P2RY14: variants seen among roughly 807,000 people sequenced by gnomAD.
The protein encoded by P2RY14 is P2Y purinoceptor 14.
P2RY14 carries 2 observed loss-of-function variants against 0.9 expected under a neutral mutation model. The ratio of observed to expected loss-of-function variants is 2.16; its 90% CI spans 0.88 to 6.79. The LOEUF (loss-of-function observed/expected upper bound fraction) is 6.79. Ranked by LOEUF, P2RY14 falls within the 30% of genes most tolerant of loss-of-function variation. The pLI is 0.05. For synonymous variants in P2RY14, 158 were observed against 147.2 expected, an observed-to-expected ratio of 1.07 and a Z score of -0.53; for missense variants, 378 against 400.1, an observed-to-expected ratio of 0.94 and a Z score of 0.47.
At chr3:151,251,200 C>T (rs1396644728) in intron 1 of P2RY14, among the ~76,000 whole-genome samples, 1 of 152,196 alleles carries the variant, frequency 6.6e-6, no homozygotes, top group Non-Finnish European at 1.5e-5. Context: ...GCATCTCTCA[C>T]CACCTTGCAC....
chr3:151,261,461 G>A (rs1738868976), intron 1 of P2RY14: 1 of 152,106 alleles, frequency 6.6e-6, no homozygotes, highest in Admixed American at 6.6e-5. Context: ...TGGAGAAACA[G>A]CCATTAGTTT....
intron 1 of P2RY14, among the ~76,000 whole-genome samples, chr3:151,238,662 A>G (rs776111118): frequency 8.0e-5 from 12 of 149,520 alleles, no homozygotes; most frequent in Non-Finnish European, 1.6e-4. Flanking sequence ...TGTTCATTGC[A>G]TTTTATACCT....
At chr3:151,244,181 T>C (rs370861153) in intron 1 of P2RY14, among the ~76,000 whole-genome samples, 12 of 135,612 alleles carry the variant, frequency 8.8e-5, no homozygotes, top group African/African-American at 2.6e-5. Context: ...GACTTTAACA[T>C]CCCACTGTCA....
intron 1 of P2RY14, among the ~76,000 whole-genome samples, chr3:151,247,308 G>T (rs545145667): frequency 6.3e-4 from 96 of 152,130 alleles, no homozygotes; most frequent in Middle Eastern, 3.4e-3. Context: ...AAAGACACAT[G>T]CACACGTATG....
intron 1 of P2RY14, among the ~76,000 whole-genome samples, chr3:151,253,615 C>T (rs751561649): frequency 6.6e-6 from 1 of 152,112 alleles, no homozygotes; most frequent in Non-Finnish European, 1.5e-5. Context: ...TACTGTATCA[C>T]AGATGGTGAT....
rs1423633627 is a variant in P2RY14, at chr3:151,278,491, C to G, written c.-337G>C. 4.0e-5 allele frequency: 6 copies of G among 150,638 alleles called. No individual in the cohort carries two copies. Among genetic ancestry groups the G allele is most frequent in the Admixed American group, 4.0e-4 (6 of 15,068 alleles). The allele number at this position is 150,638 out of a possible 1,614,324, so 9.3% of individuals were successfully genotyped here. On this transcript the variant is annotated 5_prime_UTR_variant, in exon 1 of 3. Transcript: ENST00000309170. ...TTTATTGAAGACTGGGACGTGGAAACAAAGAGGAAGGAAGAGACGTTTTAA... is the reference window on the plus strand; with the variant it reads ...TTTATTGAAGACTGGGACGTGGAAAGAAAGAGGAAGGAAGAGACGTTTTAA...
intron 2 of P2RY14, among the ~76,000 whole-genome samples, chr3:151,216,164 C>T (rs1728178713): frequency 6.6e-6 from 1 of 152,114 alleles, no homozygotes; most frequent in African/African-American, 2.4e-5. Context: ...GAATTCTTTG[C>T]ATAATATTTA....
At chr3:151,247,213 C>T (rs533729851) in intron 1 of P2RY14, among the ~76,000 whole-genome samples, 3 of 152,138 alleles carry the variant, frequency 2.0e-5, no homozygotes, top group South Asian at 2.1e-4. Context: ...GGCGATTCCT[C>T]AGGGATCTAG....
intron 1 of P2RY14, among the ~76,000 whole-genome samples, chr3:151,259,137 C>T (rs538899846): frequency 7.2e-5 from 11 of 152,288 alleles, no homozygotes; most frequent in Middle Eastern, 3.4e-3. Context: ...GAAAGGTTCA[C>T]CTAAGGTGGT....
chr3:151,229,760 A>T (rs983076048), intron 1 of P2RY14, among the ~76,000 whole-genome samples: 1 of 151,430 alleles, frequency 6.6e-6, no homozygotes, highest in African/African-American at 2.4e-5. Flanking sequence ...CCACTGCGCC[A>T]GGCGAACTGA....
At chr3:151,254,297 G>T (rs759209517) in intron 1 of P2RY14, among the ~76,000 whole-genome samples, 61 of 152,020 alleles carry the variant, frequency 4.0e-4, no homozygotes, top group Non-Finnish European at 8.2e-4. Flanking sequence ...CACAATTTTT[G>T]GATAAATCAG....
intron 1 of P2RY14, among the ~76,000 whole-genome samples, chr3:151,223,679 A>ACT (rs1404839188): frequency 6.6e-6 from 1 of 152,106 alleles, no homozygotes; most frequent in Non-Finnish European, 1.5e-5. Context: ...GACACTGGAG[A>ACT]CTCCAAAGAC....
intron 1 of P2RY14, among the ~76,000 whole-genome samples, chr3:151,254,918 G>T (rs1213467031): frequency 4.6e-5 from 7 of 152,210 alleles, no homozygotes; most frequent in Admixed American, 4.6e-4. Context: ...TGTCGGAATA[G>T]TTGAGACTTG....
intron 1 of P2RY14, among the ~76,000 whole-genome samples, chr3:151,242,120 C>G (rs1384410054): frequency 6.6e-6 from 1 of 152,168 alleles, no homozygotes; most frequent in African/African-American, 2.4e-5. Flanking sequence ...CTCGGAGGGT[C>G]CTACGCCCAT....
chr3:151,214,617 C>T (rs571043285), intron 2 of P2RY14, among the ~76,000 whole-genome samples: 114 of 149,796 alleles, frequency 7.6e-4, no homozygotes, highest in Non-Finnish European at 1.3e-3. Flanking sequence ...CTTTTCCCTC[C>T]TCTTCCTTCT....
At chr3:151,252,825 A>T (rs778666920) in intron 1 of P2RY14, among the ~76,000 whole-genome samples, 2 of 152,136 alleles carry the variant, frequency 1.3e-5, no homozygotes, top group African/African-American at 4.8e-5. Flanking sequence ...CTTGAGTAAA[A>T]TGTGTGTATT....
intron 1 of P2RY14, among the ~76,000 whole-genome samples, chr3:151,235,604 G>C (rs569603090): frequency 2.0e-5 from 3 of 152,112 alleles, no homozygotes; most frequent in Admixed American, 2.0e-4. Flanking sequence ...TGAGGCAGGA[G>C]AATTCCTTGA....
In P2RY14 at chr3:151,218,441, G is replaced by A. The variant is rs138446560; in HGVS notation, c.-25+1094C>T. Among the ~76,000 whole-genome samples the A allele has an allele frequency of 1.7e-3, 261 of 152,144 alleles. 1 individual carries two copies. Among genetic ancestry groups the A allele is most frequent in the African/African-American group, 5.7e-3 (238 of 41,490 alleles). On this transcript the variant is annotated intron_variant, in intron 2 of 2. Transcript: ENST00000309170. Reference sequence around the variant, plus strand: ...GCCCTGCTCATTGATAGTTACTTCTGGTATTATCACTGAATTTCTGCTGTG... The same window carrying A: ...GCCCTGCTCATTGATAGTTACTTCTAGTATTATCACTGAATTTCTGCTGTG...
intron 1 of P2RY14, among the ~76,000 whole-genome samples, chr3:151,267,719 A>C (rs1056346026): frequency 2.0e-5 from 3 of 152,112 alleles, no homozygotes; most frequent in Non-Finnish European, 4.4e-5. Context: ...GCTGCTGTGA[A>C]TTACTGTTTT....
Sources: gnomAD v4.1 joint callset for allele counts (sites outside exome capture counted in the v4.1 genomes callset) on GRCh38, gnomAD v4.1.1 for gene constraint, MANE v1.5 for transcripts, NCBI Gene and HGNC (gene_info 2026-07-23, HGNC 2026-07-21) for gene names.